Variants in CTTNBP2 observed in about 807,000 individuals in gnomAD.
The protein encoded by CTTNBP2 is cortactin-binding protein 2.
Under a neutral mutation model 156.9 loss-of-function variants are expected in CTTNBP2, and 108 were observed. The ratio of observed to expected loss-of-function variants is 0.69; its 90% confidence interval spans 0.59 to 0.81. The LOEUF is 0.81. CTTNBP2 is among the 30% of genes least tolerant of loss of function. The probability of loss-of-function intolerance (pLI) is 0.00; values close to 1 mark genes in which losing one functional copy is unlikely to be tolerated. For missense variants in CTTNBP2, 1,924 were observed against 2,035.4 expected, an observed-to-expected ratio of 0.95 and a Z score of 1.05; for synonymous variants, 767 against 751.8, an observed-to-expected ratio of 1.02 and a Z score of -0.33.
intron 9 of CTTNBP2, among the ~76,000 whole-genome samples, chr7:117,764,120 G>T (rs1428035573): frequency 6.6e-6 from 1 of 151,920 alleles, no homozygotes; most frequent in Non-Finnish European, 1.5e-5. Context: ...TACCAGTCAT[G>T]CTCCCCATCT....
intron 17 of CTTNBP2, 99 bp downstream of exon 17, chr7:117,727,990 A>T (rs1342270090): frequency 9.9e-7 from 1 of 1,014,600 alleles, no homozygotes; most frequent in Non-Finnish European, 1.5e-6. Flanking sequence ...CAGTGACAGG[A>T]GGTGGCACAA....
chr7:117,805,071 T>A (rs763759284), intron 3 of CTTNBP2, among the ~76,000 whole-genome samples: 1 of 152,202 alleles, frequency 6.6e-6, no homozygotes, highest in Non-Finnish European at 1.5e-5. Flanking sequence ...TGTTTTTAGC[T>A]CTTTTTGAAG....
intron 14 of CTTNBP2, 60 bp from the exon 15 acceptor site, chr7:117,735,481 C>A (rs1296724992): frequency 1.4e-6 from 2 of 1,448,310 alleles, no homozygotes; most frequent in South Asian, 1.2e-5. Context: ...TACAAATTGG[C>A]AAAACTAAAA....
At chr7:117,854,575 T>C (rs1380676113) in intron 2 of CTTNBP2, among the ~76,000 whole-genome samples, 1 of 152,210 alleles carries the variant, frequency 6.6e-6, no homozygotes, top group Non-Finnish European at 1.5e-5. Flanking sequence ...ATTTAATTTC[T>C]GCATAAGAAA....
At chr7:117,818,969 A>G (rs2193259) in intron 2 of CTTNBP2, among the ~76,000 whole-genome samples, 107,581 of 151,642 alleles carry the variant, frequency 0.71, 38,905 homozygotes, top group African/African-American at 0.86. Context: ...GAAAAAACAC[A>G]TGACAGAAAT....
At chr7:117,849,294 T>C (rs978876615) in intron 2 of CTTNBP2, among the ~76,000 whole-genome samples, 1 of 152,202 alleles carries the variant, frequency 6.6e-6, no homozygotes, top group East Asian at 1.9e-4. Context: ...TTAGCATGCA[T>C]CAGAATCACC....
At chr7:117,809,322 C>A (rs1055357812) in intron 3 of CTTNBP2, among the ~76,000 whole-genome samples, 3 of 152,046 alleles carry the variant, frequency 2.0e-5, no homozygotes, top group Non-Finnish European at 1.5e-5. Context: ...TTTATATATT[C>A]AATGACAACA....
chr7:117,734,817 G>C (rs1373996635), intron 16 of CTTNBP2, 96 bp downstream of exon 16: 4 of 936,030 alleles, frequency 4.3e-6, no homozygotes, highest in Non-Finnish European at 6.3e-6. Context: ...CCTGCCCAAG[G>C]CTGCATAGTT....
intron 8 of CTTNBP2, among the ~76,000 whole-genome samples, chr7:117,768,581 A>AAAAAAAAAAG (rs1554419704): frequency 0.047 from 4,658 of 99,026 alleles, 328 homozygotes; most frequent in African/African-American, 0.12. Flanking sequence ...AAAAAAAAAA[A>AAAAAAAAAAG]AAAGAAAGAA....
chr7:117,863,159 A>G (rs574397086), intron 1 of CTTNBP2, among the ~76,000 whole-genome samples: 3 of 152,376 alleles, frequency 2.0e-5, no homozygotes, highest in Admixed American at 6.5e-5. Flanking sequence ...TACAAAGGGG[A>G]AAGAGACTAG....
At chr7:117,766,980 G>A (rs1280285186) in intron 9 of CTTNBP2, 79 bp downstream of exon 9, 2 of 822,080 alleles carry the variant, frequency 2.4e-6, no homozygotes, top group East Asian at 4.9e-5. Context: ...TGCAAAAGAT[G>A]TAAATAGTTT....
At chr7:117,812,811 A>G (rs999916507) in intron 2 of CTTNBP2, among the ~76,000 whole-genome samples, 1 of 152,154 alleles carries the variant, frequency 6.6e-6, no homozygotes, top group Non-Finnish European at 1.5e-5. Flanking sequence ...GGATAATTCT[A>G]TGTTTTTTCC....
At chr7:117,790,957 C>T (rs1008026625) in intron 4 of CTTNBP2, among the ~76,000 whole-genome samples, 171 bp downstream of exon 4, 1 of 150,764 alleles carries the variant, frequency 6.6e-6, no homozygotes, top group Admixed American at 6.6e-5. Context: ...AATCACCATA[C>T]CCTGGAGCCT....
At position 117,757,722 on chromosome 7, in the gene CTTNBP2, A is replaced by C. The variant is rs537661494; in HGVS notation, c.3268+153T>G. Among the ~76,000 whole-genome samples the C allele has an allele frequency of 2.6e-5, 4 of 152,156 alleles. No homozygotes were observed. The South Asian group carries it at 8.3e-4, about 32-fold the overall frequency. ...TTTGAGTTTTCCTCCCCTTAATCAA[A>C]CATTTTAAAAACATCTAATTACCTA... On this transcript the variant is annotated intron_variant, in intron 11 of 22. Coordinates refer to ENST00000160373, the MANE Select transcript of CTTNBP2 (RefSeq NM_033427.3).
intron 2 of CTTNBP2, among the ~76,000 whole-genome samples, chr7:117,849,278 C>G (rs1205856500): frequency 1.3e-5 from 2 of 152,218 alleles, no homozygotes; most frequent in Non-Finnish European, 2.9e-5. Context: ...CAGCGGTTCT[C>G]AAACTTTAGC....
intron 14 of CTTNBP2, 113 bp downstream of exon 14, chr7:117,745,718 A>G: frequency 1.4e-6 from 1 of 701,396 alleles, no homozygotes. Flanking sequence ...GCTGCTGAAT[A>G]ATTAAAGTTA....
chr7:117,793,463 GGAGTTTCCT>G (rs1340376703), intron 3 of CTTNBP2: 1 of 152,306 alleles, frequency 6.6e-6, no homozygotes, highest in Non-Finnish European at 1.5e-5. Context: ...CTGGATGCCC[GGAGTTTCCT>G]AAACATGGTC....
At chr7:117,832,737 C>CTTTTT (rs927988376) in intron 2 of CTTNBP2, among the ~76,000 whole-genome samples, 7 of 112,994 alleles carry the variant, frequency 6.2e-5, no homozygotes, top group Non-Finnish European at 8.8e-5. Context: ...ATTCATCAAC[C>CTTTTT]TTTTTTTTTT....
At chr7:117,830,963 GT>G (rs975968175) in intron 2 of CTTNBP2, among the ~76,000 whole-genome samples, 25 of 150,316 alleles carry the variant, frequency 1.7e-4, no homozygotes, top group East Asian at 5.8e-4. Context: ...TCACATGTAA[GT>G]TTTTTTTTTA....
Sources: gnomAD v4.1 joint callset for allele counts (sites outside exome capture counted in the v4.1 genomes callset) on GRCh38, gnomAD v4.1.1 for gene constraint, MANE v1.5 for transcripts, NCBI Gene and HGNC (gene_info 2026-07-23, HGNC 2026-07-21) for gene names.